Variants in PIK3CD observed in about 807,000 individuals in gnomAD.
PIK3CD encodes the protein phosphatidylinositol 4,5-bisphosphate 3-kinase catalytic subunit delta isoform.
In PIK3CD, 20 loss-of-function variants were observed where a neutral mutation model predicts 122.9. That is an observed-to-expected ratio of 0.16 (90% CI 0.11 to 0.24). The LOEUF is 0.24. PIK3CD is among the 10% of genes least tolerant of loss of function. The pLI, the probability that PIK3CD is intolerant of heterozygous loss-of-function variation, is 1.00. For synonymous variants in PIK3CD, 596 were observed against 593.4 expected, an observed-to-expected ratio of 1.00 and a Z score of -0.06; for missense variants, 787 against 1,406.3, an observed-to-expected ratio of 0.56 and a Z score of 7.04.
chr1:9,702,615 G>A (rs1038504315), intron 2 of PIK3CD, among the ~76,000 whole-genome samples: 2 of 138,922 alleles, frequency 1.4e-5, no homozygotes, highest in Non-Finnish European at 3.0e-5. Flanking sequence ...CCGCCTCCTG[G>A]GTTCAAGCGA....
chr1:9,678,370 C>T (rs1000705872), intron 1 of PIK3CD, among the ~76,000 whole-genome samples: 5 of 152,014 alleles, frequency 3.3e-5, no homozygotes, highest in African/African-American at 7.2e-5. Context: ...GCGGGAGGAT[C>T]GCTTGAGTCC....
chr1:9,657,974 C>T (rs535575250), intron 1 of PIK3CD, among the ~76,000 whole-genome samples: 3 of 152,100 alleles, frequency 2.0e-5, no homozygotes, highest in Non-Finnish European at 4.4e-5. Flanking sequence ...CTGGGCCCCC[C>T]CCTTGCATCA....
chr1:9,688,500 C>A (rs1015904734), intron 1 of PIK3CD, among the ~76,000 whole-genome samples: 2 of 152,186 alleles, frequency 1.3e-5, no homozygotes, highest in African/African-American at 2.4e-5. Flanking sequence ...CTTCGGCTTC[C>A]CCACTTACAA....
At chr1:9,643,009 A>G in the PIK3CD span, among the ~76,000 whole-genome samples, 3 of 151,518 alleles carry the variant, frequency 2.0e-5, no homozygotes, top group Non-Finnish European at 4.4e-5. Context: ...GAGGATTGCT[A>G]GAGCCAATAG....
Position 9,717,458 on chromosome 1 carries a change from G to A in PIK3CD, c.931-79G>A. ...GTGACCCTCTCACCCGCCCCCAAGT[G>A]GTCACGGGCCTCACCATAGGCCAGG... On this transcript the variant is annotated intron_variant, in intron 7 of 23. Coordinates refer to ENST00000377346, the MANE Select transcript of PIK3CD (RefSeq NM_005026.5). This position sits in a 1 kb window ranked among gnomAD's most constrained non-coding sequence, Gnocchi z 5.4. The A allele has an allele frequency of 7.3e-7, 1 of 1,373,846 alleles. No individual in the cohort carries two copies. Among genetic ancestry groups the A allele is most frequent in the Non-Finnish European group, 1.0e-6 (1 of 962,264 alleles). The allele number at this position is 1,373,846 out of a possible 1,614,324, so 85.1% of individuals were successfully genotyped here. A position where few individuals can be genotyped will look rare whatever the true frequency, so the allele number is the denominator to read the frequency against.
chr1:9,654,367 A>G (rs774675488), intron 1 of PIK3CD: 2 of 1,367,612 alleles, frequency 1.5e-6, no homozygotes, highest in East Asian at 9.1e-5. Context: ...ATGTTTAGCA[A>G]GTGTTTCCTG....
At position 9,727,550 on chromosome 1, in the gene PIK3CD, CCA is replaced by C. The variant is rs1649860747; in HGVS notation, c.*506_*507del. On this transcript the variant is annotated 3_prime_UTR_variant, in exon 24 of 24. Coordinates refer to ENST00000377346, the MANE Select transcript of PIK3CD (RefSeq NM_005026.5). ...CTCTAGATTCAGGGATGCTTGCTCT[CCA>C]CTTTTCAAGTGGGTCTTGGGTACGA... is the stretch of plus-strand genomic sequence containing the variant. The C allele has an allele frequency of 4.1e-6, 1 of 242,040 alleles. No homozygotes were observed. The allele number at this position is 242,040 out of a possible 1,614,324, so 15.0% of individuals were successfully genotyped here. A position where few individuals can be genotyped will look rare whatever the true frequency, so the allele number is the denominator to read the frequency against.
intron 1 of PIK3CD, among the ~76,000 whole-genome samples, chr1:9,686,621 T>C (rs748152077): frequency 3.3e-5 from 5 of 152,224 alleles, no homozygotes; most frequent in Non-Finnish European, 7.3e-5. Flanking sequence ...CCCAAAGTGC[T>C]GGGACTACAG....
In PIK3CD at chr1:9,699,230, G is replaced by C. The variant is rs1476685845; in HGVS notation, c.-33+7659G>C. ...CTCTGCGAACCGTGCCAAAAAAAGAGTAGGCTGCTGGGATGAGTTCGGGCA... is the reference window on the plus strand; with the variant it reads ...CTCTGCGAACCGTGCCAAAAAAAGACTAGGCTGCTGGGATGAGTTCGGGCA... On this transcript the variant is annotated intron_variant, in intron 2 of 23. Coordinates refer to ENST00000377346, the MANE Select transcript of PIK3CD (RefSeq NM_005026.5). Among the ~76,000 whole-genome samples, 3 of 152,104 alleles carry C rather than the reference G, an allele frequency of 2.0e-5. No individual in the cohort carries two copies. In the South Asian group the frequency reaches 6.2e-4, roughly 32 times the overall value.
chr1:9,727,528 T>G lies in PIK3CD; in HGVS notation c.*482T>G, dbSNP rs1005074235. The G allele has an allele frequency of 7.9e-6, 2 of 252,418 alleles. No homozygotes were observed. Among genetic ancestry groups the G allele is most frequent in the Non-Finnish European group, 1.6e-5 (2 of 127,162 alleles). The allele number at this position is 252,418 out of a possible 1,614,324, so 15.6% of individuals were successfully genotyped here. A position where few individuals can be genotyped will look rare whatever the true frequency, so the allele number is the denominator to read the frequency against. On this transcript the variant is annotated 3_prime_UTR_variant, in exon 24 of 24. Transcript: ENST00000377346. ...TCCCCGAGGCAGCCGGGGTACCCTC[T>G]AGATTCAGGGATGCTTGCTCTCCAC... is the stretch of plus-strand genomic sequence containing the variant.
the PIK3CD span, among the ~76,000 whole-genome samples, chr1:9,643,528 TA>T: frequency 1.3e-5 from 2 of 151,432 alleles, no homozygotes; most frequent in African/African-American, 4.9e-5. Flanking sequence ...AAAAAATAAA[TA>T]AATAACTCTT....
chr1:9,708,616 G>A (rs748029049), intron 2 of PIK3CD, among the ~76,000 whole-genome samples: 1 of 152,112 alleles, frequency 6.6e-6, no homozygotes, highest in Non-Finnish European at 1.5e-5. Flanking sequence ...GGGAGCCCAA[G>A]GCAGGTGGAT....
chr1:9,685,796 G>T (rs190710319), intron 1 of PIK3CD, among the ~76,000 whole-genome samples: 1 of 150,096 alleles, frequency 6.7e-6, no homozygotes, highest in African/African-American at 2.5e-5. Context: ...AAACTCAAGC[G>T]ATCCTCCTGC....
At chr1:9,638,460 C>T in the PIK3CD span, among the ~76,000 whole-genome samples, 64 of 152,130 alleles carry the variant, frequency 4.2e-4, no homozygotes, top group African/African-American at 1.3e-3. Context: ...AGGCCGGGAG[C>T]GGTGGCTCAC....
upstream of PIK3CD, among the ~76,000 whole-genome samples, chr1:9,648,390 G>T (rs1018712293): frequency 6.6e-6 from 1 of 152,210 alleles, no homozygotes; most frequent in African/African-American, 2.4e-5. Context: ...TCCTTTGGAA[G>T]ATGCAAAACC....
At chr1:9,726,217 AG>A (rs1649550763) in intron 23 of PIK3CD, among the ~76,000 whole-genome samples, 2 of 151,678 alleles carry the variant, frequency 1.3e-5, no homozygotes. Context: ...TGTCTCAAAA[AG>A]AAAAAATTGG....
intron 2 of PIK3CD, among the ~76,000 whole-genome samples, chr1:9,692,990 T>C (rs1646264085): frequency 6.6e-6 from 1 of 152,166 alleles, no homozygotes; most frequent in African/African-American, 2.4e-5. Flanking sequence ...ACTGACTTGA[T>C]CTTTGTCTCA....
chr1:9,698,576 T>C (rs1646507487), intron 2 of PIK3CD, among the ~76,000 whole-genome samples: 1 of 152,274 alleles, frequency 6.6e-6, no homozygotes, highest in Admixed American at 6.5e-5. Flanking sequence ...TTCAGTTTCA[T>C]TGAGTTAATG....
At chr1:9,641,769 C>A in the PIK3CD span, among the ~76,000 whole-genome samples, 97 of 152,290 alleles carry the variant, frequency 6.4e-4, no homozygotes, top group African/African-American at 2.1e-3. Context: ...GCCAGAGACT[C>A]CCAGCTCCTT....
Sources: allele counts gnomAD v4.1 joint callset (sites outside exome capture counted in the v4.1 genomes callset), GRCh38; gene constraint gnomAD v4.1.1; non-coding constraint Gnocchi (gnomAD v3.1); transcripts MANE v1.5; gene names NCBI Gene and HGNC (gene_info 2026-07-23, HGNC 2026-07-21).